The following LSAMP variants were observed in gnomAD, a reference collection of about 807,000 sequenced individuals.
The protein encoded by LSAMP is limbic system associated membrane protein.
Under a neutral mutation model 38.6 loss-of-function variants are expected in LSAMP, and 7 were observed. That is an observed-to-expected ratio of 0.18 (90% CI 0.10 to 0.34). The LOEUF (loss-of-function observed/expected upper bound fraction) is 0.34. Ranked by LOEUF, LSAMP falls within the 10% of genes least tolerant of loss-of-function variation. LSAMP has a pLI of 1.00. For synonymous variants in LSAMP, 154 were observed against 166.8 expected, an observed-to-expected ratio of 0.92 and a Z score of 0.59; for missense variants, 313 against 420.0, an observed-to-expected ratio of 0.75 and a Z score of 2.23.
intron 1 of LSAMP, among the ~76,000 whole-genome samples, chr3:116,266,319 A>C (rs73143010): frequency 0.2 from 29,871 of 152,084 alleles, 3,162 homozygotes; most frequent in Admixed American, 0.23. Context: ...TACTCTTCAC[A>C]TGGCTGTGGA....
chr3:116,191,446 T>G (rs1710753017), intron 1 of LSAMP, among the ~76,000 whole-genome samples: 2 of 152,120 alleles, frequency 1.3e-5, no homozygotes, highest in South Asian at 4.1e-4. Context: ...TGAATGATAT[T>G]GTGTGAGTTT....
intron 3 of LSAMP, among the ~76,000 whole-genome samples, chr3:116,015,426 T>C (rs924918994): frequency 2.0e-5 from 3 of 152,098 alleles, no homozygotes; most frequent in Admixed American, 6.6e-5. Flanking sequence ...AAACACTCCA[T>C]AGAAAATACA....
chr3:116,397,732 AC>A (rs1377884659), intron 1 of LSAMP, among the ~76,000 whole-genome samples: 1 of 149,662 alleles, frequency 6.7e-6, no homozygotes, highest in Non-Finnish European at 1.5e-5. Flanking sequence ...TGGGAATTGC[AC>A]TGAAAAAAAT....
intron 1 of LSAMP, among the ~76,000 whole-genome samples, chr3:116,234,544 C>G (rs1260287465): frequency 6.6e-6 from 1 of 151,920 alleles, no homozygotes; most frequent in Admixed American, 6.6e-5. Context: ...GAAAATTACT[C>G]TTGTTTAAAA....
At chr3:116,209,547 T>G (rs1321139903) in intron 1 of LSAMP, among the ~76,000 whole-genome samples, 1 of 152,156 alleles carries the variant, frequency 6.6e-6, no homozygotes, top group Non-Finnish European at 1.5e-5. Context: ...TTCAAATTGA[T>G]ATGTTTTGTG....
Position 116,191,691 on chromosome 3 carries a change from C to T in LSAMP, c.156-105135G>A, listed in dbSNP as rs184274655. On this transcript the variant is annotated intron_variant, in intron 1 of 6. Transcript: ENST00000490035. ...TTCTGTCTTGAATCAGGTTTTTGTG[C>T]CATTCCATTTTCTCAACATTCCTGC... Among the ~76,000 whole-genome samples the T allele has an allele frequency of 3.3e-5, 5 of 151,710 alleles. No individual in the cohort carries two copies. The East Asian group carries it at 7.7e-4, about 23-fold the overall frequency.
chr3:116,356,825 G>A (rs984721962), intron 1 of LSAMP, among the ~76,000 whole-genome samples: 2 of 151,742 alleles, frequency 1.3e-5, no homozygotes, highest in East Asian at 1.9e-4. Flanking sequence ...ACGGAGTCTC[G>A]CTCTGTGGCC....
chr3:116,395,207 T>C (rs2048753427), intron 1 of LSAMP, among the ~76,000 whole-genome samples: 2 of 152,336 alleles, frequency 1.3e-5, no homozygotes, highest in East Asian at 3.9e-4. Context: ...TCTCTCCTGT[T>C]TTAATAATTA....
intron 1 of LSAMP, among the ~76,000 whole-genome samples, chr3:116,283,397 C>T (rs1479850386): frequency 1.3e-5 from 2 of 152,084 alleles, no homozygotes; most frequent in African/African-American, 2.4e-5. Flanking sequence ...GAAAAGGCAT[C>T]CCTTTTCCCT....
chr3:116,102,764 A>T (rs900448756), intron 1 of LSAMP, among the ~76,000 whole-genome samples: 8 of 124,414 alleles, frequency 6.4e-5, no homozygotes, highest in Non-Finnish European at 1.1e-4. Flanking sequence ...CCATTTTAAA[A>T]TTTTATCTAT....
chr3:115,929,217 A>C (rs1937541673), intron 3 of LSAMP, among the ~76,000 whole-genome samples: 1 of 152,148 alleles, frequency 6.6e-6, no homozygotes, highest in Non-Finnish European at 1.5e-5. Context: ...ACAAAAAACA[A>C]ATAAGAAAAC....
intron 3 of LSAMP, among the ~76,000 whole-genome samples, chr3:115,960,293 C>T (rs1478233421): frequency 6.6e-6 from 1 of 152,116 alleles, no homozygotes; most frequent in African/African-American, 2.4e-5. Context: ...AACCTACAAG[C>T]CAAGGGAAGA....
At chr3:115,852,230 T>A (rs996939112) in intron 4 of LSAMP, among the ~76,000 whole-genome samples, 4 of 152,250 alleles carry the variant, frequency 2.6e-5, no homozygotes, top group Non-Finnish European at 5.9e-5. Context: ...TGTCTGATCA[T>A]GTTTTCTTAA....
intron 3 of LSAMP, among the ~76,000 whole-genome samples, chr3:115,966,717 A>G (rs1938827774): frequency 6.6e-6 from 1 of 152,148 alleles, no homozygotes; most frequent in Non-Finnish European, 1.5e-5. Context: ...TGAAGAAACC[A>G]TAAGCATAAT....
At chr3:116,150,865 G>A (rs972294121) in intron 1 of LSAMP, among the ~76,000 whole-genome samples, 18 of 150,974 alleles carry the variant, frequency 1.2e-4, no homozygotes, top group African/African-American at 4.4e-4. Context: ...TGCTGAATAG[G>A]CAAAAATCTA....
chr3:116,088,074 T>A (rs1238145533), intron 1 of LSAMP, among the ~76,000 whole-genome samples: 1 of 151,572 alleles, frequency 6.6e-6, no homozygotes, highest in East Asian at 1.9e-4. Flanking sequence ...AAAAAAAAAA[T>A]TAGAGATGGG....
intron 1 of LSAMP, among the ~76,000 whole-genome samples, chr3:116,203,173 A>C (rs139204026): frequency 1.3e-3 from 193 of 152,322 alleles, no homozygotes; most frequent in African/African-American, 4.5e-3. Flanking sequence ...GCATGTTGTC[A>C]TATTGAGCAC....
In LSAMP at chr3:115,960,826, C is replaced by T. The variant is rs150815253; in HGVS notation, c.514+58689G>A. ...TAATAAAAGGCAAACAAAAAAAAAT[C>T]GTTAATTTTTTTCCCCATGGAGAAC... On this transcript the variant is annotated intron_variant, in intron 3 of 6. Transcript: ENST00000490035. Among the ~76,000 whole-genome samples the T allele has an allele frequency of 3.8e-3, 579 of 152,238 alleles. 2 individuals carry two copies. Among genetic ancestry groups the T allele is most frequent in the Non-Finnish European group, 5.9e-3 (401 of 68,006 alleles).
intron 1 of LSAMP, among the ~76,000 whole-genome samples, chr3:116,406,971 T>A (rs890876535): frequency 1.3e-5 from 2 of 152,104 alleles, no homozygotes; most frequent in African/African-American, 4.8e-5. Flanking sequence ...CTCTTTTTAG[T>A]AATTCTTAAG....
Sources: allele counts gnomAD v4.1 joint callset (sites outside exome capture counted in the v4.1 genomes callset), GRCh38; gene constraint gnomAD v4.1.1; transcripts MANE v1.5; gene names NCBI Gene and HGNC (gene_info 2026-07-23, HGNC 2026-07-21).